Variants in MYT1L observed in about 807,000 individuals in gnomAD.
MYT1L encodes the protein myelin transcription factor 1 like.
A neutral mutation model predicts 126.7 loss-of-function variants in MYT1L; 12 were observed. The observed-to-expected ratio is 0.09, with a 90% confidence interval of 0.06 to 0.15. MYT1L has a LOEUF of 0.15. MYT1L is among the 10% of genes least tolerant of loss of function. MYT1L has a pLI of 1.00. For synonymous variants in MYT1L, 541 were observed against 604.2 expected (o/e 0.90, Z 1.53); for missense variants, 979 against 1,585.2 (o/e 0.62, Z 6.49).
At chr2:2,041,376 G>C (rs575719719) in intron 4 of MYT1L, among the ~76,000 whole-genome samples, 1 of 152,254 alleles carries the variant, frequency 6.6e-6, no homozygotes, top group Admixed American at 6.5e-5. Context: ...GAAGCTACTG[G>C]GGGAGAGAGA....
chr2:2,218,806 A>G (rs184530184), intron 2 of MYT1L, among the ~76,000 whole-genome samples: 1 of 152,286 alleles, frequency 6.6e-6, no homozygotes, highest in African/African-American at 2.4e-5. Flanking sequence ...TCCAGATTCT[A>G]CCCTCTTTTC....
chr2:2,002,789 A>C (rs1051424954), intron 4 of MYT1L, among the ~76,000 whole-genome samples: 1 of 152,072 alleles, frequency 6.6e-6, no homozygotes, highest in Non-Finnish European at 1.5e-5. Context: ...GGGGCGGGGC[A>C]GTTTCCCCCA....
chr2:2,176,619 C>T (rs2090825073), intron 2 of MYT1L, among the ~76,000 whole-genome samples: 1 of 152,000 alleles, frequency 6.6e-6, no homozygotes, highest in Non-Finnish European at 1.5e-5. Context: ...CTGCTTCAAC[C>T]TCCCTAGTAG....
intron 2 of MYT1L, among the ~76,000 whole-genome samples, chr2:2,232,217 C>G (rs143732810): frequency 3.9e-4 from 59 of 152,322 alleles, no homozygotes; most frequent in Non-Finnish European, 7.5e-4. Context: ...GAAGAGGGGA[C>G]AGTCAGCATC....
chr2:2,271,228 G>T (rs2095258050), intron 2 of MYT1L, among the ~76,000 whole-genome samples: 1 of 152,198 alleles, frequency 6.6e-6, no homozygotes, highest in African/African-American at 2.4e-5. Flanking sequence ...TTTTAAATTA[G>T]AATTTGAGGA....
intron 2 of MYT1L, among the ~76,000 whole-genome samples, chr2:2,254,633 G>A (rs2094756949): frequency 6.6e-6 from 1 of 152,176 alleles, no homozygotes; most frequent in Non-Finnish European, 1.5e-5. Context: ...TTAGTACTTA[G>A]TATTTTGTTT....
Position 2,224,685 on chromosome 2 carries a change from G to A in MYT1L, c.-420-51697C>T, listed in dbSNP as rs1199530791. ...ATACAAAAAATTAGCCAGGTGTGGT[G>A]GCGGGCACCTGTAGTCCCAGCTACT... On this transcript the variant is annotated intron_variant, in intron 2 of 24. Transcript: ENST00000647738. The surrounding 1 kb of genome is among the most constrained non-coding windows in gnomAD (Gnocchi z 4.0). 6.6e-6 allele frequency among the ~76,000 whole-genome samples: 1 copy of A among 151,962 alleles called. No individual in the cohort carries two copies. Among genetic ancestry groups the A allele is most frequent in the Non-Finnish European group, 1.5e-5 (1 of 68,000 alleles).
intron 3 of MYT1L, among the ~76,000 whole-genome samples, chr2:2,110,153 C>T (rs71442318): frequency 1.3e-5 from 2 of 151,410 alleles, no homozygotes; most frequent in Non-Finnish European, 1.5e-5. Flanking sequence ...TACCTGAGGT[C>T]GTGCCATAAC....
chr2:2,151,886 C>A (rs1047415908), intron 3 of MYT1L, among the ~76,000 whole-genome samples: 6 of 152,126 alleles, frequency 3.9e-5, no homozygotes, highest in Non-Finnish European at 8.8e-5. Flanking sequence ...GAAACCCGGT[C>A]TCTACTAAAA....
At chr2:2,267,559 A>G (rs2095164460) in intron 2 of MYT1L, among the ~76,000 whole-genome samples, 1 of 152,202 alleles carries the variant, frequency 6.6e-6, no homozygotes. Flanking sequence ...AGATGGAAGC[A>G]ACAGGATTTC....
chr2:1,800,457 C>A (rs530479609), intron 23 of MYT1L, among the ~76,000 whole-genome samples: 1 of 152,320 alleles, frequency 6.6e-6, no homozygotes, highest in East Asian at 1.9e-4. Flanking sequence ...ATCAAAACAC[C>A]CAGGCAGCAG....
intron 4 of MYT1L, among the ~76,000 whole-genome samples, chr2:2,015,919 C>T (rs2064336252): frequency 2.0e-5 from 3 of 152,212 alleles, no homozygotes; most frequent in African/African-American, 7.2e-5. Context: ...ATGGGTGGGA[C>T]TCCCAGGTCA....
chr2:2,186,048 C>G (rs184888287), intron 2 of MYT1L, among the ~76,000 whole-genome samples: 2 of 134,364 alleles, frequency 1.5e-5, no homozygotes, highest in Admixed American at 7.2e-5. Flanking sequence ...GCGGACGCAG[C>G]CGGGCCTCCC....
At chr2:2,056,996 A>ACGG (rs1349974352) in intron 3 of MYT1L, among the ~76,000 whole-genome samples, 14 of 152,206 alleles carry the variant, frequency 9.2e-5, no homozygotes, top group Non-Finnish European at 1.6e-4. Context: ...GAAAGAATAC[A>ACGG]GAGATCCCAT....
At chr2:1,958,665 C>T (rs1643428330) in intron 8 of MYT1L, among the ~76,000 whole-genome samples, 1 of 152,208 alleles carries the variant, frequency 6.6e-6, no homozygotes, top group South Asian at 2.1e-4. Flanking sequence ...GATCCCGGTT[C>T]CATGGGGGCT....
chr2:2,112,000 C>A (rs113314939), intron 3 of MYT1L, among the ~76,000 whole-genome samples: 13 of 152,332 alleles, frequency 8.5e-5, no homozygotes, highest in African/African-American at 2.9e-4. Flanking sequence ...TTGAAGCGTG[C>A]AAACTTGGGA....
rs1053436165 is a variant in MYT1L, at chr2:2,331,084, A to T, written c.-638T>A. Reference sequence around the variant, plus strand: ...GTTCCACCACAAGTTTGAAAGGATGATGAGACACATGCATGCCACCAAGAC... The same window carrying T: ...GTTCCACCACAAGTTTGAAAGGATGTTGAGACACATGCATGCCACCAAGAC... On this transcript the variant is annotated 5_prime_UTR_variant, in exon 1 of 25. Transcript: ENST00000647738. 3.3e-5 allele frequency: 5 copies of T among 151,850 alleles called. No homozygotes were observed. Among genetic ancestry groups the T allele is most frequent in the Admixed American group, 2.0e-4 (3 of 15,248 alleles). The allele number at this position is 151,850 out of a possible 1,614,324, so 9.4% of individuals were successfully genotyped here. A position where few individuals can be genotyped will look rare whatever the true frequency, so the allele number is the denominator to read the frequency against.
intron 21 of MYT1L, among the ~76,000 whole-genome samples, chr2:1,815,560 C>T (rs773377804): frequency 8.5e-5 from 13 of 152,250 alleles, no homozygotes; most frequent in Non-Finnish European, 1.6e-4. Context: ...AGTGTCCTGC[C>T]TCTCAGTTGT....
At chr2:2,215,129 G>A (rs2093641597) in intron 2 of MYT1L, among the ~76,000 whole-genome samples, 1 of 151,984 alleles carries the variant, frequency 6.6e-6, no homozygotes, top group Admixed American at 6.6e-5. Flanking sequence ...ATAATCTAAA[G>A]CAAGGCAAAA....
Sources: gnomAD v4.1 joint callset for allele counts (sites outside exome capture counted in the v4.1 genomes callset) on GRCh38, gnomAD v4.1.1 for gene constraint, Gnocchi (gnomAD v3.1) non-coding constraint, MANE v1.5 for transcripts, NCBI Gene and HGNC (gene_info 2026-07-23, HGNC 2026-07-21) for gene names.